STOX2: variants seen among roughly 807,000 people sequenced by gnomAD.
The protein encoded by STOX2 is storkhead box 2, also known as storkhead-box protein 2.
In STOX2, 28 loss-of-function variants were observed where a neutral mutation model predicts 60.9. That is an observed-to-expected ratio of 0.46 (90% CI 0.34 to 0.63). The LOEUF is 0.63. STOX2 is among the 30% of genes least tolerant of loss of function. The pLI is 0.01. For synonymous variants in STOX2, 472 were observed against 463.9 expected (o/e 1.02, Z -0.22); for missense variants, 1,024 against 1,187.7 (o/e 0.86, Z 2.03).
At chr4:183,936,462 A>G (rs943185642) in intron 1 of STOX2, among the ~76,000 whole-genome samples, 6 of 147,696 alleles carry the variant, frequency 4.1e-5, no homozygotes, top group Admixed American at 2.0e-4. Flanking sequence ...TGGCGTCAGT[A>G]TCTTTTACTT....
intron 1 of STOX2, among the ~76,000 whole-genome samples, chr4:183,875,914 G>A (rs1740818977): frequency 6.6e-6 from 1 of 152,140 alleles, no homozygotes; most frequent in African/African-American, 2.4e-5. Flanking sequence ...TAAAGATGGG[G>A]TCTTACTATG....
chr4:183,997,826 C>T (rs1733411108), intron 1 of STOX2, among the ~76,000 whole-genome samples: 1 of 152,150 alleles, frequency 6.6e-6, no homozygotes, highest in Non-Finnish European at 1.5e-5. Context: ...AAAGTTATTG[C>T]CCATATTCAT....
At chr4:183,976,374 G>GA (rs1034642299) in intron 1 of STOX2, among the ~76,000 whole-genome samples, 9 of 151,816 alleles carry the variant, frequency 5.9e-5, no homozygotes, top group Admixed American at 2.6e-4. Flanking sequence ...TACCAAAGAA[G>GA]AAAAAAACCA....
In STOX2 at chr4:183,883,134, C is replaced by T. The variant is rs141257682; in HGVS notation, c.364+85079C>T. Among the ~76,000 whole-genome samples, 816 of 152,178 alleles carry T rather than the reference C, an allele frequency of 5.4e-3. 6 individuals are homozygous for T. Among genetic ancestry groups the T allele is most frequent in the African/African-American group, 0.019 (785 of 41,516 alleles). On this transcript the variant is annotated intron_variant, in intron 1 of 2. Transcript: ENST00000513034. ...CATTTATATCCCCATCTACTCCCTCCTCCCCCCAATTATTTTGAAGCAAAT... is the reference window on the plus strand; with the variant it reads ...CATTTATATCCCCATCTACTCCCTCTTCCCCCCAATTATTTTGAAGCAAAT...
intron 1 of STOX2, among the ~76,000 whole-genome samples, chr4:183,801,015 A>G (rs1738752209): frequency 6.6e-6 from 1 of 152,204 alleles, no homozygotes; most frequent in Non-Finnish European, 1.5e-5. Context: ...TTAATATTTT[A>G]TGCTGTAACT....
chr4:183,992,152 C>T (rs1341562820), intron 1 of STOX2, among the ~76,000 whole-genome samples: 1 of 152,078 alleles, frequency 6.6e-6, no homozygotes, highest in African/African-American at 2.4e-5. Context: ...GAAGCGTGTT[C>T]GGTTTTAGGG....
Position 184,010,272 on chromosome 4 carries a change from G to T in STOX2, c.1434G>T (p.Arg478Ser). ...HRSHSHTQDR[R>S]SRNERSNKAK... ...GCCACAGCCATACACAGGACCGGAG[G>T]TCCAGGAATGAGAGATCCAACAAAG... The change falls in exon 3 of 4, where the codon AGG (arginine) becomes AGT (serine). Residue 478 changes from arginine to serine, a missense_variant. Arg to Ser is a moderately radical substitution (Grantham distance 110). Coordinates refer to ENST00000308497, the MANE Select transcript of STOX2 (RefSeq NM_020225.3). The surrounding 1 kb of genome is among the most constrained non-coding windows in gnomAD (Gnocchi z 4.5). 6.3e-7 allele frequency: 1 copy of T among 1,580,852 alleles called. No individual in the cohort carries two copies. The highest frequency in any genetic ancestry group is 8.6e-7 in the Non-Finnish European group (1 of 1,163,348).
intron 1 of STOX2, among the ~76,000 whole-genome samples, chr4:183,956,362 T>TTCTATCTATCTA (rs57987067): frequency 4.9e-4 from 73 of 149,200 alleles, no homozygotes; most frequent in African/African-American, 7.9e-4. Flanking sequence ...GCTGCATTTG[T>TTCTATCTATCTA]TCTATCTATC....
At chr4:183,994,045 A>G (rs1733227487) in intron 1 of STOX2, among the ~76,000 whole-genome samples, 1 of 152,264 alleles carries the variant, frequency 6.6e-6, no homozygotes. Flanking sequence ...ATTAAATTGT[A>G]AAACACAAGA....
intron 1 of STOX2, among the ~76,000 whole-genome samples, chr4:183,925,209 A>C (rs1447423049): frequency 6.6e-6 from 1 of 152,196 alleles, no homozygotes; most frequent in Non-Finnish European, 1.5e-5. Context: ...AGGTGAAAGC[A>C]CAGGTTTGGT....
intron 1 of STOX2, among the ~76,000 whole-genome samples, chr4:183,932,537 A>C (rs1742469411): frequency 6.6e-6 from 1 of 152,068 alleles, no homozygotes; most frequent in Admixed American, 6.5e-5. Flanking sequence ...AATATATTAT[A>C]CAGTAGAAAT....
chr4:183,956,220 A>T (rs553462140), intron 1 of STOX2, among the ~76,000 whole-genome samples: 1 of 152,274 alleles, frequency 6.6e-6, no homozygotes, highest in Non-Finnish European at 1.5e-5. Flanking sequence ...ACAATACCTG[A>T]ATTTGAGAGA....
chr4:183,841,158 C>T (rs750205929), intron 1 of STOX2, among the ~76,000 whole-genome samples: 1 of 152,100 alleles, frequency 6.6e-6, no homozygotes, highest in African/African-American at 2.4e-5. Context: ...TGTCACCACG[C>T]CCGGTTCAGT....
At chr4:183,798,539 T>C (rs1395655864) in intron 1 of STOX2, 1 of 848,816 alleles carries the variant, frequency 1.2e-6, no homozygotes. Flanking sequence ...GGGCGGCGAC[T>C]GCGGGGGACG....
intron 1 of STOX2, among the ~76,000 whole-genome samples, chr4:183,867,447 C>G (rs1056989578): frequency 9.9e-5 from 15 of 152,206 alleles, no homozygotes; most frequent in African/African-American, 3.4e-4. Flanking sequence ...CTGGACAGGG[C>G]TGCTGAGGGA....
chr4:183,824,395 C>T (rs568698599), intron 1 of STOX2, among the ~76,000 whole-genome samples: 1 of 152,114 alleles, frequency 6.6e-6, no homozygotes, highest in South Asian at 2.1e-4. Flanking sequence ...TGGGTAATTT[C>T]GTTAGGTAAA....
intron 1 of STOX2, among the ~76,000 whole-genome samples, chr4:183,956,419 C>T (rs180925904): frequency 2.0e-3 from 300 of 147,444 alleles, no homozygotes; most frequent in African/African-American, 7.3e-3. Context: ...ACCTATCTGT[C>T]GATCTATCAT....
intron 1 of STOX2, among the ~76,000 whole-genome samples, chr4:183,968,343 T>TACACACAC (rs60432446): frequency 0.039 from 5,644 of 145,516 alleles, 99 homozygotes; most frequent in Admixed American, 0.056. Flanking sequence ...TGCATATACC[T>TACACACAC]ACACACACAC....
chr4:183,964,685 C>T (rs926085274), intron 1 of STOX2, among the ~76,000 whole-genome samples: 1 of 152,158 alleles, frequency 6.6e-6, no homozygotes, highest in Non-Finnish European at 1.5e-5. Flanking sequence ...CAGGTTCAAG[C>T]GATTCTCCCA....
Sources: allele counts gnomAD v4.1 joint callset (sites outside exome capture counted in the v4.1 genomes callset), GRCh38; gene constraint gnomAD v4.1.1; non-coding constraint Gnocchi (gnomAD v3.1); transcripts MANE v1.5; gene names NCBI Gene and HGNC (gene_info 2026-07-23, HGNC 2026-07-21).